RANBP3L: variants seen among roughly 807,000 people sequenced by gnomAD.
RANBP3L encodes the protein RAN binding protein 3 like, also known as ran-binding protein 3-like.
RANBP3L carries 56 observed loss-of-function variants against 67.2 expected under a neutral mutation model. The ratio of observed to expected loss-of-function variants is 0.83; its 90% CI spans 0.67 to 1.04. RANBP3L has a LOEUF of 1.04. RANBP3L is among the 50% of genes least tolerant of loss of function. The pLI, the probability that RANBP3L is intolerant of heterozygous loss-of-function variation, is 0.00. For missense variants in RANBP3L, 496 were observed against 535.5 expected, an observed-to-expected ratio of 0.93 and a Z score of 0.73; for synonymous variants, 164 against 181.4, an observed-to-expected ratio of 0.90 and a Z score of 0.77.
At chr5:36,268,399 A>T in intron 4 of RANBP3L, 1 of 540,570 alleles carries the variant, frequency 1.8e-6, no homozygotes, top group Non-Finnish European at 3.2e-6. Flanking sequence ...TATTAATAAA[A>T]ATGAGTACAT....
Position 36,265,500 on chromosome 5 carries a change from T to C in RANBP3L, c.289A>G (p.Met97Val). Reference protein sequence around the residue: ...SQGVRKNNVFMTSALVQSSVD... With the variant: ...SQGVRKNNVFVTSALVQSSVD... ...CTACTTTGCACAAGAGCTGATGTCATAAAAACATTGTTTTTCCTCACTGTA... is the reference window on the plus strand; with the variant it reads ...CTACTTTGCACAAGAGCTGATGTCACAAAAACATTGTTTTTCCTCACTGTA... The change falls in exon 5 of 14, where the codon ATG becomes GTG. Residue 97 changes from methionine to valine, a missense_variant. Transcript: ENST00000296604. 1.9e-6 allele frequency: 3 copies of C among 1,603,600 alleles called. No individual in the cohort carries two copies. The highest frequency in any genetic ancestry group is 2.6e-6 in the Non-Finnish European group (3 of 1,171,992).
chr5:36,250,824 G>T (rs1748538810), intron 13 of RANBP3L, among the ~76,000 whole-genome samples: 1 of 151,990 alleles, frequency 6.6e-6, no homozygotes, highest in Non-Finnish European at 1.5e-5. Flanking sequence ...TACAATAAAA[G>T]AAATAGTACT....
intron 1 of RANBP3L, among the ~76,000 whole-genome samples, chr5:36,290,404 A>G (rs1186395654): frequency 6.6e-6 from 1 of 151,428 alleles, no homozygotes; most frequent in Non-Finnish European, 1.5e-5. Flanking sequence ...TTTAGTAGAG[A>G]TGGGGTTTCA....
intron 8 of RANBP3L, among the ~76,000 whole-genome samples, chr5:36,259,599 A>T (rs1749228089): frequency 6.6e-6 from 1 of 151,680 alleles, no homozygotes; most frequent in South Asian, 2.1e-4. Context: ...AAAAAAAAAA[A>T]ATGGAATGAA....
At chr5:36,272,886 C>T (rs564470077) in intron 1 of RANBP3L, among the ~76,000 whole-genome samples, 2 of 152,292 alleles carry the variant, frequency 1.3e-5, no homozygotes, top group South Asian at 4.1e-4. Flanking sequence ...CGGTGATCCA[C>T]CCACCTTGGC....
rs932247292 is a variant in RANBP3L at position 36,257,501 on chromosome 5, T to G, written c.725A>C (p.Lys242Thr). The part of the protein sequence containing the change: ...QLENDSYAKE[K>T]PFKSIPKFPV... ...AAATTTCGGAATGGATTTGAATGGT[T>G]TTTCCTTGGCATATGAATCATTTTC... Residue 242 changes from lysine (K) to threonine (T), a missense_variant, in exon 9 of 14, where the codon AAA becomes ACA. By Grantham distance (78) the Lys-to-Thr change is moderately conservative. Transcript: ENST00000296604. The G allele has an allele frequency of 6.2e-7, 1 of 1,600,250 alleles. No individual in the cohort carries two copies. Among genetic ancestry groups the G allele is most frequent in the African/African-American group, 1.3e-5 (1 of 74,516 alleles).
chr5:36,254,084 A>G (rs570457436), intron 11 of RANBP3L, among the ~76,000 whole-genome samples: 3 of 152,142 alleles, frequency 2.0e-5, no homozygotes, highest in Admixed American at 6.6e-5. Context: ...CGAATTGTCT[A>G]CAATGAAGAA....
At chr5:36,294,349 C>T (rs1011856438) in intron 1 of RANBP3L, among the ~76,000 whole-genome samples, 2 of 151,862 alleles carry the variant, frequency 1.3e-5, no homozygotes, top group African/African-American at 4.8e-5. Flanking sequence ...TTTCAAAAAA[C>T]CAGCTCCTGG....
At chr5:36,295,190 G>T (rs973487727) in intron 1 of RANBP3L, among the ~76,000 whole-genome samples, 4 of 151,846 alleles carry the variant, frequency 2.6e-5, no homozygotes, top group Non-Finnish European at 4.4e-5. Context: ...TTAATTTTTT[G>T]AGGAACTGCG....
chr5:36,265,180 A>G (rs1342911324), intron 5 of RANBP3L, 82 bp from the exon 6 acceptor site: 2 of 930,392 alleles, frequency 2.1e-6, no homozygotes, highest in Non-Finnish European at 3.1e-6. Flanking sequence ...TATAATTCTT[A>G]TTTTCTAAAG....
rs1391545330 is a variant in RANBP3L, at chr5:36,293,639, T to A, written c.91+7687A>T. Among the ~76,000 whole-genome samples the A allele has an allele frequency of 1.2e-4, 14 of 121,682 alleles. 1 individual carries two copies. The highest frequency in any genetic ancestry group is 2.1e-4 in the Non-Finnish European group (11 of 52,296). The allele number at this position is 121,682 out of a possible 152,430, so 79.8% of individuals were successfully genotyped here. On this transcript the variant is annotated intron_variant, in intron 1 of 13. Coordinates refer to ENST00000296604, the MANE Select transcript of RANBP3L (RefSeq NM_145000.5). ...TTGTTGAATTTTGTCAAAGGCCTTTTCTGCATCCATTGAGATAATCATGTG... is the reference window on the plus strand; with the variant it reads ...TTGTTGAATTTTGTCAAAGGCCTTTACTGCATCCATTGAGATAATCATGTG...
intron 1 of RANBP3L, among the ~76,000 whole-genome samples, chr5:36,283,359 G>A (rs183829819): frequency 1.4e-4 from 21 of 145,218 alleles, no homozygotes; most frequent in Middle Eastern, 3.8e-3. Flanking sequence ...CACCCAGCAC[G>A]TTAATTTAAC....
At chr5:36,298,344 C>T (rs1420309310) in intron 1 of RANBP3L, among the ~76,000 whole-genome samples, 1 of 151,198 alleles carries the variant, frequency 6.6e-6, no homozygotes, top group African/African-American at 2.4e-5. Flanking sequence ...TGTGTTGAAG[C>T]TAGTCACGCC....
intron 11 of RANBP3L, 32 bp from the exon 12 acceptor site, chr5:36,253,821 A>G: frequency 6.2e-7 from 1 of 1,604,936 alleles, no homozygotes; most frequent in Admixed American, 1.7e-5. Context: ...ATCAGGCCAC[A>G]GAACAGTTGA....
At chr5:36,270,843 T>C (rs1461824179) in intron 2 of RANBP3L, among the ~76,000 whole-genome samples, 1 of 152,188 alleles carries the variant, frequency 6.6e-6, no homozygotes, top group South Asian at 2.1e-4. Flanking sequence ...TTTATTATGA[T>C]GCCAAAAAAA....
chr5:36,287,483 G>T (rs10042551), intron 1 of RANBP3L, among the ~76,000 whole-genome samples: 1 of 151,914 alleles, frequency 6.6e-6, no homozygotes, highest in Middle Eastern at 3.2e-3. Flanking sequence ...ACAAGATGAA[G>T]TAGAGATGGG....
At chr5:36,251,595 C>T (rs1748600674) in intron 12 of RANBP3L, 96 bp from the exon 13 acceptor site, 2 of 978,998 alleles carry the variant, frequency 2.0e-6, no homozygotes, top group Non-Finnish European at 3.0e-6. Context: ...GAAGGAATTA[C>T]ATGGCATAAA....
chr5:36,265,641 T>C, intron 4 of RANBP3L, 121 bp from the exon 5 acceptor site: 1 of 560,928 alleles, frequency 1.8e-6, no homozygotes, highest in Non-Finnish European at 3.1e-6. Context: ...ACTAACAGAG[T>C]AGTAGGTAGT....
chr5:36,296,727 C>T (rs1752242005), intron 1 of RANBP3L, among the ~76,000 whole-genome samples: 1 of 152,100 alleles, frequency 6.6e-6, no homozygotes, highest in Admixed American at 6.5e-5. Context: ...TGTCAACATT[C>T]TGAATGTTTC....
Sources: gnomAD v4.1 joint callset for allele counts (sites outside exome capture counted in the v4.1 genomes callset) on GRCh38, gnomAD v4.1.1 for gene constraint, MANE v1.5 for transcripts, NCBI Gene and HGNC (gene_info 2026-07-23, HGNC 2026-07-21) for gene names.